The following ULK4 variants were observed in gnomAD, a reference collection of about 807,000 sequenced individuals.
ULK4 encodes inactive serine/threonine-protein kinase ULK4.
In ULK4, 133 loss-of-function variants were observed where a neutral mutation model predicts 160.6. That is an observed-to-expected ratio of 0.83 (90% CI 0.72 to 0.96). The LOEUF is 0.96. Ranked by LOEUF, ULK4 falls within the 40% of genes least tolerant of loss-of-function variation. The pLI, the probability that ULK4 is intolerant of heterozygous loss-of-function variation, is 0.00. For missense variants in ULK4, 1,580 were observed against 1,499.5 expected, an observed-to-expected ratio of 1.05 and a Z score of -0.89; for synonymous variants, 534 against 539.8, an observed-to-expected ratio of 0.99 and a Z score of 0.15.
intron 35 of ULK4, among the ~76,000 whole-genome samples, chr3:41,374,555 G>T (rs938476156): frequency 2.0e-5 from 3 of 152,170 alleles, no homozygotes; most frequent in Non-Finnish European, 2.9e-5. Flanking sequence ...TATCTCAATA[G>T]ATGCAGAAAA....
chr3:41,916,895 A>C (rs1314314998), intron 7 of ULK4, among the ~76,000 whole-genome samples: 1 of 151,692 alleles, frequency 6.6e-6, no homozygotes, highest in Non-Finnish European at 1.5e-5. Flanking sequence ...TTTAGTAGAG[A>C]CAGGGTTTCA....
chr3:41,439,340 G>A (rs980557437), intron 34 of ULK4, among the ~76,000 whole-genome samples: 1 of 152,100 alleles, frequency 6.6e-6, no homozygotes, highest in African/African-American at 2.4e-5. Context: ...TTGGTTTAGA[G>A]AAAAGAAACA....
chr3:41,816,483 A>G (rs1449263703), intron 19 of ULK4, among the ~76,000 whole-genome samples: 1 of 152,238 alleles, frequency 6.6e-6, no homozygotes, highest in Non-Finnish European at 1.5e-5. Context: ...AAAGATGGTC[A>G]TCCTCATTAG....
intron 34 of ULK4, among the ~76,000 whole-genome samples, chr3:41,416,038 C>T (rs562698972): frequency 6.6e-5 from 10 of 152,248 alleles, no homozygotes; most frequent in Non-Finnish European, 1.2e-4. Flanking sequence ...TGTGGCTATA[C>T]GATCTTCATA....
chr3:41,253,569 T>C (rs1180513041), intron 35 of ULK4, among the ~76,000 whole-genome samples: 1 of 151,594 alleles, frequency 6.6e-6, no homozygotes, highest in Admixed American at 6.6e-5. Flanking sequence ...TTAAAAATGT[T>C]CAAATAGCTT....
intron 34 of ULK4, among the ~76,000 whole-genome samples, chr3:41,416,912 G>T (rs566990608): frequency 6.6e-6 from 1 of 152,112 alleles, no homozygotes; most frequent in Admixed American, 6.5e-5. Context: ...AAGGAGAGTC[G>T]GGGGTAGGAC....
intron 35 of ULK4, among the ~76,000 whole-genome samples, chr3:41,307,065 A>G (rs1159663583): frequency 6.6e-6 from 1 of 150,810 alleles, no homozygotes; most frequent in Non-Finnish European, 1.5e-5. Flanking sequence ...TCACTTGTTT[A>G]TCTGCTGACC....
At chr3:41,887,694 G>A (rs1382018917) in intron 16 of ULK4, among the ~76,000 whole-genome samples, 3 of 151,910 alleles carry the variant, frequency 2.0e-5, no homozygotes, top group East Asian at 3.9e-4. Flanking sequence ...GGTGGTGGGC[G>A]CCTGCAATCC....
intron 32 of ULK4, among the ~76,000 whole-genome samples, chr3:41,556,688 T>C (rs1465064552): frequency 5.3e-5 from 8 of 151,858 alleles, no homozygotes; most frequent in Admixed American, 5.2e-4. Context: ...AGGGTTTCAC[T>C]GTGTTAGCCA....
chr3:41,405,534 T>G (rs1294343241), intron 34 of ULK4, among the ~76,000 whole-genome samples: 1 of 152,172 alleles, frequency 6.6e-6, no homozygotes, highest in East Asian at 1.9e-4. Context: ...CTGCTTTAAG[T>G]TGAGAATTCT....
At chr3:41,636,218 G>A (rs962034309) in intron 30 of ULK4, among the ~76,000 whole-genome samples, 1 of 152,100 alleles carries the variant, frequency 6.6e-6, no homozygotes, top group Non-Finnish European at 1.5e-5. Flanking sequence ...AACACTGTCT[G>A]GTCCATAAAA....
chr3:41,350,838 C>T (rs1319953712), intron 35 of ULK4, among the ~76,000 whole-genome samples: 1 of 152,208 alleles, frequency 6.6e-6, no homozygotes, highest in Non-Finnish European at 1.5e-5. Flanking sequence ...CTTTGTCCTT[C>T]TGGAGACCAA....
intron 20 of ULK4, among the ~76,000 whole-genome samples, chr3:41,797,554 A>G (rs141530752): frequency 6.6e-6 from 1 of 152,200 alleles, no homozygotes. Context: ...GGAGGAGACT[A>G]AAGAGCTATG....
At chr3:41,333,372 C>T (rs1230933998) in intron 35 of ULK4, among the ~76,000 whole-genome samples, 1 of 152,204 alleles carries the variant, frequency 6.6e-6, no homozygotes, top group African/African-American at 2.4e-5. Context: ...ACATTCCTTT[C>T]AACAGAGACA....
At chr3:41,591,982 G>A (rs1413077698) in intron 31 of ULK4, among the ~76,000 whole-genome samples, 1 of 152,204 alleles carries the variant, frequency 6.6e-6, no homozygotes, top group Non-Finnish European at 1.5e-5. Context: ...CCAGTTGGAT[G>A]GACAGAACAG....
intron 12 of ULK4, 87 bp from the exon 13 acceptor site, chr3:41,900,916 C>A (rs1359511776): frequency 2.2e-6 from 2 of 904,964 alleles, no homozygotes; most frequent in African/African-American, 3.3e-5. Context: ...GAGGAAGACA[C>A]CACTGTAAAA....
intron 21 of ULK4, among the ~76,000 whole-genome samples, chr3:41,762,286 C>T (rs1322766885): frequency 6.6e-6 from 1 of 151,950 alleles, no homozygotes. Flanking sequence ...CTCTCCCTTC[C>T]AATACCCTTC....
At chr3:41,648,960 TC>T (rs968676603) in intron 30 of ULK4, among the ~76,000 whole-genome samples, 15 of 151,820 alleles carry the variant, frequency 9.9e-5, no homozygotes, top group African/African-American at 3.6e-4. Context: ...AAACCCCACA[TC>T]TACTGAAAAT....
intron 35 of ULK4, among the ~76,000 whole-genome samples, chr3:41,338,778 A>C (rs1267062310): frequency 6.6e-6 from 1 of 151,466 alleles, no homozygotes; most frequent in South Asian, 2.1e-4. Flanking sequence ...ACATATATAT[A>C]TATATGATAT....
Sources: gnomAD v4.1 joint callset for allele counts (sites outside exome capture counted in the v4.1 genomes callset) on GRCh38, gnomAD v4.1.1 for gene constraint, MANE v1.5 for transcripts, NCBI Gene and HGNC (gene_info 2026-07-23, HGNC 2026-07-21) for gene names.